Variants in PPP1R3A observed in about 807,000 individuals in gnomAD.
PPP1R3A encodes the protein protein phosphatase 1 regulatory subunit 3A.
PPP1R3A carries 29 observed loss-of-function variants against 41.7 expected under a neutral mutation model. That is an observed-to-expected ratio of 0.70 (90% CI 0.52 to 0.95). The LOEUF (loss-of-function observed/expected upper bound fraction) is 0.95. Ranked by LOEUF, PPP1R3A falls within the 40% of genes least tolerant of loss-of-function variation. The probability of loss-of-function intolerance (pLI) is 0.00; values close to 1 mark genes in which losing one functional copy is unlikely to be tolerated. For synonymous variants in PPP1R3A, 485 were observed against 453.4 expected, an observed-to-expected ratio of 1.07 and a Z score of -0.89; for missense variants, 1,352 against 1,292.4, an observed-to-expected ratio of 1.05 and a Z score of -0.71.
At chr7:113,881,207 T>C (rs898828239) in intron 3 of PPP1R3A, among the ~76,000 whole-genome samples, 1 of 152,072 alleles carries the variant, frequency 6.6e-6, no homozygotes, top group African/African-American at 2.4e-5. Flanking sequence ...GCGATCACTA[T>C]AGAAAAGGTG....
chr7:113,907,392 G>A (rs1169954846), intron 1 of PPP1R3A, among the ~76,000 whole-genome samples: 4 of 151,698 alleles, frequency 2.6e-5, no homozygotes, highest in Non-Finnish European at 5.9e-5. Context: ...TGAAGGGGAA[G>A]GTGGTTTTGA....
intron 1 of PPP1R3A, among the ~76,000 whole-genome samples, chr7:113,899,900 AT>A (rs1029686892): frequency 6.6e-6 from 1 of 151,810 alleles, no homozygotes; most frequent in African/African-American, 2.4e-5. Flanking sequence ...ATACTCTGCT[AT>A]TAAGGTTTTC....
At chr7:113,898,271 T>C (rs997825205) in intron 1 of PPP1R3A, among the ~76,000 whole-genome samples, 2 of 151,794 alleles carry the variant, frequency 1.3e-5, no homozygotes, top group Non-Finnish European at 2.9e-5. Flanking sequence ...GTAAGCTTAA[T>C]GATTGGGGTA....
intron 1 of PPP1R3A, among the ~76,000 whole-genome samples, chr7:113,916,199 T>C (rs1459255628): frequency 2.6e-5 from 4 of 152,160 alleles, no homozygotes; most frequent in South Asian, 4.1e-4. Flanking sequence ...TTTGTGGTTT[T>C]GAGGGAGAGA....
Position 113,878,039 on chromosome 7 carries a change from A to G in PPP1R3A, c.3053T>C (p.Leu1018Pro), listed in dbSNP as rs1796602659. The G allele has an allele frequency of 1.2e-6, 2 of 1,613,188 alleles. No homozygotes were observed. The highest frequency in any genetic ancestry group is 1.7e-5 in the Admixed American group (1 of 59,862). ...ATGCCTTGCTTCTTCCATATTCTCA[A>G]GAGGTTTGTTGATTAAAATCATTGG... is the stretch of plus-strand genomic sequence containing the variant. ...LGPMILINKP[L>P]ENMEEARHEN... Residue 1018 changes from leucine (L) to proline (P), a missense_variant, in exon 4 of 4, where the codon CTT (leucine) becomes CCT (proline). By Grantham distance (98) the Leu-to-Pro change is moderately conservative. Coordinates refer to ENST00000284601, the MANE Select transcript of PPP1R3A (RefSeq NM_002711.4).
rs1485002605 is a variant in PPP1R3A at position 113,879,665 on chromosome 7, T to G, written c.1427A>C (p.Asn476Thr). The G allele has an allele frequency of 6.2e-7, 1 of 1,613,146 alleles. No individual in the cohort carries two copies. Among genetic ancestry groups the G allele is most frequent in the East Asian group, 2.2e-5 (1 of 44,814 alleles). Residue 476 changes from asparagine (N) to threonine (T), a missense_variant, in exon 4 of 4, where the codon AAT becomes ACT. Coordinates refer to ENST00000284601, the MANE Select transcript of PPP1R3A (RefSeq NM_002711.4). ...LNKKHEGGAK[N>T]IEVKDLGCLR... is the part of the protein sequence containing the mutation. ...ACATCCCAAATCTTTTACTTCAATA[T>G]TTTTAGCTCCTCCTTCATGTTTTTT...
intron 1 of PPP1R3A, among the ~76,000 whole-genome samples, chr7:113,901,990 G>C (rs1046873413): frequency 6.6e-6 from 1 of 151,832 alleles, no homozygotes; most frequent in Non-Finnish European, 1.5e-5. Context: ...TACAATTTTA[G>C]TCATAACTTT....
At position 113,879,283 on chromosome 7, in the gene PPP1R3A, C is replaced by T; in HGVS notation, c.1809G>A (p.Leu603=). 1.2e-6 allele frequency: 2 copies of T among 1,613,632 alleles called. No homozygotes were observed. Among genetic ancestry groups the T allele is most frequent in the Non-Finnish European group, 1.7e-6 (2 of 1,179,728 alleles). ...CTCCTAAAGCGCTGCCTTCACTAGT[C>T]AAATGATGATGCTCTGGGGTTAACA... ...EAVLTPEHHH[L]TSEGSALGGI... is the part of the protein sequence containing the mutation. The change falls in exon 4 of 4, where the codon TTG becomes TTA. Residue 603 remains leucine, a synonymous_variant. Transcript: ENST00000284601.
intron 1 of PPP1R3A, among the ~76,000 whole-genome samples, chr7:113,891,639 C>T (rs1178955682): frequency 1.3e-5 from 2 of 151,942 alleles, no homozygotes; most frequent in Non-Finnish European, 2.9e-5. Context: ...CTTTCATTAC[C>T]CAATTGATTT....
intron 1 of PPP1R3A, among the ~76,000 whole-genome samples, chr7:113,899,655 T>C (rs1797031458): frequency 6.6e-6 from 1 of 151,842 alleles, no homozygotes; most frequent in African/African-American, 2.4e-5. Context: ...ACATCAGTCA[T>C]TCTCAACCTT....
In PPP1R3A at chr7:113,881,708, C is replaced by T. The variant is rs117626072; in HGVS notation, c.966+331G>A. On this transcript the variant is annotated intron_variant, in intron 3 of 3. Transcript: ENST00000284601. ...TAGTCCAGCCCTCTCATTTTATAGACGAGTTTATGCTAAGTATACACTTGT... is the reference window on the plus strand; with the variant it reads ...TAGTCCAGCCCTCTCATTTTATAGATGAGTTTATGCTAAGTATACACTTGT... 1.9e-3 allele frequency among the ~76,000 whole-genome samples: 290 copies of T among 152,024 alleles called. 2 individuals carry two copies. The highest frequency in any genetic ancestry group is 6.8e-3 in the Middle Eastern group (2 of 294).
intron 3 of PPP1R3A, among the ~76,000 whole-genome samples, chr7:113,880,947 G>A (rs983366860): frequency 1.3e-5 from 2 of 151,954 alleles, no homozygotes; most frequent in African/African-American, 4.8e-5. Flanking sequence ...CTAAATTACA[G>A]CTCCCTGTTC....
chr7:113,877,663 C>T lies in PPP1R3A; in HGVS notation c.*60G>A, dbSNP rs2129112295. Reference sequence around the variant, plus strand: ...TTTGAACAATGAATAGTCCCATTCACCAATCCAAATGTTTGGGGTTAAATA... The same window carrying T: ...TTTGAACAATGAATAGTCCCATTCATCAATCCAAATGTTTGGGGTTAAATA... On this transcript the variant is annotated 3_prime_UTR_variant, in exon 4 of 4. Transcript: ENST00000284601. 1 of 1,486,702 alleles carries T rather than the reference C, an allele frequency of 6.7e-7. No individual in the cohort carries two copies. The highest frequency in any genetic ancestry group is 2.3e-5 in the East Asian group (1 of 43,840). 92.1% of individuals were successfully genotyped at this position (1,486,702 alleles called of 1,614,324 possible). A position where few individuals can be genotyped will look rare whatever the true frequency, so the allele number is the denominator to read the frequency against.
In PPP1R3A at chr7:113,879,368, C is replaced by T. The variant is rs779668662; in HGVS notation, c.1724G>A (p.Arg575Gln). ...LLSEHTAIPT[R>Q]AITADVSHSP... ...ATGAGACACATCTGCTGTGATTGCC[C>T]GGGTGGGGATTGCGGTATGTTCGCT... The change falls in exon 4 of 4, where the codon CGG becomes CAG. Residue 575 changes from arginine (R) to glutamine (Q), a missense_variant. Transcript: ENST00000284601. 4.3e-6 allele frequency: 7 copies of T among 1,613,380 alleles called. No homozygotes were observed. The highest frequency in any genetic ancestry group is 3.3e-5 in the Admixed American group (2 of 59,870).
chr7:113,912,732 G>A (rs565936903), intron 1 of PPP1R3A, among the ~76,000 whole-genome samples: 53 of 151,798 alleles, frequency 3.5e-4, no homozygotes, highest in Non-Finnish European at 6.2e-4. Context: ...TTTGCCAGGA[G>A]CATTTTTGGC....
intron 1 of PPP1R3A, among the ~76,000 whole-genome samples, chr7:113,894,261 A>C (rs1401285698): frequency 1.3e-5 from 2 of 152,022 alleles, no homozygotes; most frequent in Non-Finnish European, 2.9e-5. Context: ...AAGCTGAAGA[A>C]GACTTACAGA....
At chr7:113,898,357 C>G (rs1477636718) in intron 1 of PPP1R3A, among the ~76,000 whole-genome samples, 3 of 151,760 alleles carry the variant, frequency 2.0e-5, no homozygotes, top group South Asian at 2.1e-4. Context: ...GGGAAGGCCT[C>G]CTGGCAGAGG....
intron 1 of PPP1R3A, among the ~76,000 whole-genome samples, chr7:113,895,348 C>T (rs1796960172): frequency 6.6e-6 from 1 of 151,694 alleles, no homozygotes; most frequent in East Asian, 1.9e-4. Flanking sequence ...TTAAAAAAAA[C>T]ACCAGATATC....
chr7:113,882,011 C>T (rs1796701548), intron 3 of PPP1R3A, 28 bp downstream of exon 3: 2 of 1,610,936 alleles, frequency 1.2e-6, no homozygotes, highest in Non-Finnish European at 8.5e-7. Context: ...TTCATCTTCT[C>T]TAATACCGTG....
Sources: allele counts gnomAD v4.1 joint callset (sites outside exome capture counted in the v4.1 genomes callset), GRCh38; gene constraint gnomAD v4.1.1; transcripts MANE v1.5; gene names NCBI Gene and HGNC (gene_info 2026-07-23, HGNC 2026-07-21).